DNM1: variants seen among roughly 807,000 people sequenced by gnomAD.
DNM1 encodes the protein dynamin-1.
In DNM1, 29 loss-of-function variants were observed where a neutral mutation model predicts 104.6. That is an observed-to-expected ratio of 0.28 (90% CI 0.21 to 0.38). The LOEUF is 0.38. Among genes scored for constraint, DNM1 ranks in the 10% least tolerant of loss-of-function variants. The pLI is 1.00. For missense variants in DNM1, 640 were observed against 1,189.4 expected, an observed-to-expected ratio of 0.54 and a Z score of 6.79; for synonymous variants, 445 against 475.8, an observed-to-expected ratio of 0.94 and a Z score of 0.84.
Position 128,254,925 on chromosome 9 carries a change from T to C in DNM1, c.*211T>C, listed in dbSNP as rs1219979203. Reference sequence around the variant, plus strand: ...GCCCTTGCCCTGTTCTATAAATATCTATAAATACTCATATATATACACACC... The same window carrying C: ...GCCCTTGCCCTGTTCTATAAATATCCATAAATACTCATATATATACACACC... On this transcript the variant is annotated 3_prime_UTR_variant, in exon 22 of 22. Transcript: ENST00000372923. The surrounding 1 kb of genome is among the most constrained non-coding windows in gnomAD (Gnocchi z 6.1). The C allele has an allele frequency of 1.8e-6, 1 of 544,214 alleles. No individual in the cohort carries two copies. Among genetic ancestry groups the C allele is most frequent in the Non-Finnish European group, 3.2e-6 (1 of 310,146 alleles). The allele number at this position is 544,214 out of a possible 1,614,324, so 33.7% of individuals were successfully genotyped here.
chr9:128,243,863 G>A lies in DNM1; in HGVS notation c.1671+1518G>A, dbSNP rs1466632435. Among the ~76,000 whole-genome samples, 2 of 152,134 alleles carry A rather than the reference G, an allele frequency of 1.3e-5. No individual in the cohort carries two copies. The highest frequency in any genetic ancestry group is 3.9e-4 in the East Asian group (2 of 5,184). On this transcript the variant is annotated intron_variant, in intron 15 of 21. Transcript: ENST00000372923. The surrounding 1 kb of genome is among the most constrained non-coding windows in gnomAD (Gnocchi z 4.0). ...TGTGTACATCTGAGTTAAGTCGTGT[G>A]CGAAAACAGCTCTGAGAATCATATG...
At chr9:128,215,867 A>G (rs1184318835) in intron 1 of DNM1, among the ~76,000 whole-genome samples, 2 of 152,016 alleles carry the variant, frequency 1.3e-5, no homozygotes, top group African/African-American at 4.8e-5. Flanking sequence ...GAGCTGGTGG[A>G]GAAGAGGGTG....
At chr9:128,246,329 T>TA in intron 15 of DNM1, 65 bp from the exon 16 acceptor site, 2 of 1,130,812 alleles carry the variant, frequency 1.8e-6, no homozygotes, top group East Asian at 2.3e-5. Context: ...GGGGGACTCT[T>TA]AGAGAGTGAG....
Position 128,219,108 on chromosome 9 carries a change from C to T in DNM1, c.445C>T (p.Pro149Ser). Reference sequence around the variant, plus strand: ...GACCAAGGTCCCGGTGGGGGACCAACCTCCCGACATCGAGTTCCAGATCCG... The same window carrying T: ...GACCAAGGTCCCGGTGGGGGACCAATCTCCCGACATCGAGTTCCAGATCCG... ...GMTKVPVGDQPPDIEFQIRDM... is the reference protein window; with the variant it reads ...GMTKVPVGDQSPDIEFQIRDM... Residue 149 changes from proline (P) to serine (S), a missense_variant, in exon 4 of 22, where the codon CCT becomes TCT. This residue lies in a region of DNM1 where 172 missense variants were observed against 335.3 expected (regional missense o/e 0.51). Coordinates refer to ENST00000372923, the MANE Select transcript of DNM1 (RefSeq NM_004408.4). The T allele has an allele frequency of 6.2e-7, 1 of 1,614,200 alleles. No homozygotes were observed. Among genetic ancestry groups the T allele is most frequent in the Non-Finnish European group, 8.5e-7 (1 of 1,180,052 alleles).
chr9:128,244,585 A>G, intron 15 of DNM1: 1 of 213,112 alleles, frequency 4.7e-6, no homozygotes, highest in South Asian at 4.6e-5. Flanking sequence ...GCTACCCCCA[A>G]CCAGTCCCAC....
rs1253054983 is a variant in DNM1, at chr9:128,222,404, A to C, written c.993-57A>C. 1.2e-6 allele frequency: 2 copies of C among 1,609,886 alleles called. No homozygotes were observed. The highest frequency in any genetic ancestry group is 2.7e-5 in the African/African-American group (2 of 74,778). ...CAGCCTCTCAGCGTGGGGCTCTCCC[A>C]GGGTTCCCTTTGCTGGGCTGCTCCT... On this transcript the variant is annotated intron_variant, in intron 7 of 21. Coordinates refer to ENST00000372923, the MANE Select transcript of DNM1 (RefSeq NM_004408.4). The surrounding 1 kb of genome is among the most constrained non-coding windows in gnomAD (Gnocchi z 7.8).
chr9:128,247,567 G>A lies in DNM1; in HGVS notation c.1893+81G>A. 1 of 1,162,830 alleles carries A rather than the reference G, an allele frequency of 8.6e-7. No homozygotes were observed. Among genetic ancestry groups the A allele is most frequent in the Non-Finnish European group, 1.3e-6 (1 of 794,856 alleles). 72.0% of individuals were successfully genotyped at this position (1,162,830 alleles called of 1,614,324 possible). A position where few individuals can be genotyped will look rare whatever the true frequency, so the allele number is the denominator to read the frequency against. ...ACCATCCTCAGTGATGCCAAGTCAT[G>A]CCATGTTTCCGAGCCCTTATTTGGC... On this transcript the variant is annotated intron_variant, in intron 17 of 21. Coordinates refer to ENST00000372923, the MANE Select transcript of DNM1 (RefSeq NM_004408.4). The surrounding 1 kb of genome is among the most constrained non-coding windows in gnomAD (Gnocchi z 5.1).
At chr9:128,233,703 C>T (rs887968898) in intron 10 of DNM1, 10 of 418,026 alleles carry the variant, frequency 2.4e-5, no homozygotes, top group South Asian at 7.6e-5. Context: ...AACCAGTCTG[C>T]GGGGCAGGCT....
Position 128,222,458 on chromosome 9 carries a change from C to G in DNM1, c.993-3C>G. 1 of 1,614,130 alleles carries G rather than the reference C, an allele frequency of 6.2e-7. No individual in the cohort carries two copies. Among genetic ancestry groups the G allele is most frequent in the Non-Finnish European group, 8.5e-7 (1 of 1,180,004 alleles). The stretch of plus-strand genomic sequence containing the variant: ...CCCTCAGGCCACACCACTCTCCCAC[C>G]AGGATGGTCCAGCAGTTCGCCGTAG... On this transcript the variant is annotated splice_polypyrimidine_tract_variant and splice_region_variant and intron_variant, in intron 7 of 21. Coordinates refer to ENST00000372923, the MANE Select transcript of DNM1 (RefSeq NM_004408.4). The surrounding 1 kb of genome is among the most constrained non-coding windows in gnomAD (Gnocchi z 7.8).
chr9:128,211,701 T>C (rs576508963), intron 1 of DNM1, among the ~76,000 whole-genome samples: 169 of 152,190 alleles, frequency 1.1e-3, no homozygotes, highest in African/African-American at 3.8e-3. Context: ...GTTGTCTTCC[T>C]CTTTCACTGG....
Position 128,239,882 on chromosome 9 carries a change from G to A in DNM1, c.1545+103G>A, listed in dbSNP as rs1057043319. ...GAGGGGAAGGGTCCCACGGGGGCCA[G>A]GGACCTGTCAGCTGCCAGCCACAAG... On this transcript the variant is annotated intron_variant, in intron 13 of 21. Transcript: ENST00000372923. 4 of 1,575,074 alleles carry A rather than the reference G, an allele frequency of 2.5e-6. No homozygotes were observed. The African/African-American group carries it at 5.4e-5, about 21-fold the overall frequency.
At position 128,250,349 on chromosome 9, in the gene DNM1, G is replaced by A; in HGVS notation, c.2311G>A (p.Gly771Arg). Reference protein sequence around the residue: ...SWLQVQSVPAGRRSPTSSPTP... With the variant: ...SWLQVQSVPARRRSPTSSPTP... Reference sequence around the variant, plus strand: ...GCTGCAGGTGCAGAGCGTACCGGCCGGACGCAGGTACCAGGGCCGGCCCCC... The same window carrying A: ...GCTGCAGGTGCAGAGCGTACCGGCCAGACGCAGGTACCAGGGCCGGCCCCC... Residue 771 changes from glycine to arginine, a missense_variant, in exon 20 of 22, where the codon GGA becomes AGA. This residue lies in a region of DNM1 where 129 missense variants were observed against 224.6 expected (regional missense o/e 0.57). Coordinates refer to ENST00000372923, the MANE Select transcript of DNM1 (RefSeq NM_004408.4). 1.3e-6 allele frequency: 2 copies of A among 1,582,974 alleles called. No homozygotes were observed. The highest frequency in any genetic ancestry group is 1.8e-5 in the Admixed American group (1 of 54,816).
At chr9:128,215,303 G>T (rs1191612708) in intron 1 of DNM1, among the ~76,000 whole-genome samples, 1 of 152,248 alleles carries the variant, frequency 6.6e-6, no homozygotes, top group Non-Finnish European at 1.5e-5. Context: ...AACCACCTGA[G>T]GATCCATTTA....
In DNM1 at chr9:128,254,375, G is replaced by C; in HGVS notation, c.2535-279G>C. On this transcript the variant is annotated intron_variant, in intron 21 of 21. Transcript: ENST00000372923. The surrounding 1 kb of genome is among the most constrained non-coding windows in gnomAD (Gnocchi z 6.1). Reference sequence around the variant, plus strand: ...AGCCTGAATTGCGGGTGCCCTGCCTGGGTGCCGTGTGAGAGGCCAGCGTGT... The same window carrying C: ...AGCCTGAATTGCGGGTGCCCTGCCTCGGTGCCGTGTGAGAGGCCAGCGTGT... The C allele has an allele frequency of 7.1e-7, 1 of 1,409,388 alleles. No homozygotes were observed. Among genetic ancestry groups the C allele is most frequent in the South Asian group, 1.6e-5 (1 of 61,994 alleles). The allele number at this position is 1,409,388 out of a possible 1,614,324, so 87.3% of individuals were successfully genotyped here.
chr9:128,226,467 G>A (rs542199859), intron 10 of DNM1, among the ~76,000 whole-genome samples: 7 of 152,340 alleles, frequency 4.6e-5, no homozygotes, highest in African/African-American at 1.7e-4. Flanking sequence ...CCAAGCACAC[G>A]CTAAGTGCTT....
intron 1 of DNM1, among the ~76,000 whole-genome samples, chr9:128,215,321 G>C (rs755464344): frequency 6.6e-6 from 1 of 152,226 alleles, no homozygotes; most frequent in Non-Finnish European, 1.5e-5. Context: ...TTAAAACCCA[G>C]ATTCTGCCTC....
At chr9:128,213,472 A>C (rs1834427551) in intron 1 of DNM1, among the ~76,000 whole-genome samples, 1 of 142,490 alleles carries the variant, frequency 7.0e-6, no homozygotes, top group East Asian at 2.4e-4. Flanking sequence ...CAAAGTCATC[A>C]ACCCTTGGAT....
At chr9:128,225,327 C>A (rs3003611) in intron 10 of DNM1, among the ~76,000 whole-genome samples, 120,543 of 152,150 alleles carry the variant, frequency 0.79, 47,983 homozygotes, top group East Asian at 1. Flanking sequence ...GAGGAGAGGC[C>A]AGGAATGCCC....
At chr9:128,215,190 C>T (rs1331598543) in intron 1 of DNM1, among the ~76,000 whole-genome samples, 1 of 152,204 alleles carries the variant, frequency 6.6e-6, no homozygotes, top group Admixed American at 6.5e-5. Flanking sequence ...GCACCAGGCA[C>T]CAGGCCAAGG....
Sources: allele counts gnomAD v4.1 joint callset (sites outside exome capture counted in the v4.1 genomes callset), GRCh38; gene constraint gnomAD v4.1.1; regional missense constraint gnomAD v4.1.1; non-coding constraint Gnocchi (gnomAD v3.1); transcripts MANE v1.5; gene names NCBI Gene and HGNC (gene_info 2026-07-23, HGNC 2026-07-21).